MKLN1: variants seen among roughly 807,000 people sequenced by gnomAD.
MKLN1 encodes muskelin 1, also known as muskelin.
MKLN1 carries 18 observed loss-of-function variants against 99.0 expected under a neutral mutation model. The observed-to-expected ratio is 0.18, with a 90% CI of 0.13 to 0.27. The LOEUF (loss-of-function observed/expected upper bound fraction) is 0.27, where lower values mean the gene tolerates loss of function less well. MKLN1 is among the 10% of genes least tolerant of loss of function. The probability of loss-of-function intolerance (pLI) is 1.00; values close to 1 mark genes in which losing one functional copy is unlikely to be tolerated. For missense variants in MKLN1, 621 were observed against 875.9 expected (o/e 0.71, Z 3.67); for synonymous variants, 288 against 293.2 (o/e 0.98, Z 0.18).
intron 1 of MKLN1, among the ~76,000 whole-genome samples, chr7:131,356,583 CAT>C (rs1316277110): frequency 6.6e-6 from 1 of 152,114 alleles, no homozygotes; most frequent in Non-Finnish European, 1.5e-5. Flanking sequence ...GAGTTGGCTC[CAT>C]GAGTTGTTGA....
At chr7:131,410,810 G>T (rs1241244922) in intron 6 of MKLN1, among the ~76,000 whole-genome samples, 6 of 152,132 alleles carry the variant, frequency 3.9e-5, no homozygotes, top group Non-Finnish European at 8.8e-5. Context: ...GATAATGATA[G>T]AAATGATTTT....
intron 3 of MKLN1, among the ~76,000 whole-genome samples, chr7:131,244,925 A>T (rs1797463203): frequency 6.6e-6 from 1 of 151,916 alleles, no homozygotes; most frequent in South Asian, 2.1e-4. Context: ...ACACGGCGGC[A>T]CCCTTTCCTC....
intron 2 of MKLN1, among the ~76,000 whole-genome samples, chr7:131,151,748 A>T (rs1795891171): frequency 6.6e-6 from 1 of 152,198 alleles, no homozygotes; most frequent in Non-Finnish European, 1.5e-5. Flanking sequence ...AGTCACCCAT[A>T]ATTCTATCAC....
Position 131,495,898 on chromosome 7 carries a change from TGAG to T in MKLN1, c.*8177_*8179del, listed in dbSNP as rs1427505183. Reference sequence around the variant, plus strand: ...GGGCATATGGAGCATATTCATACCATGAGGAGGAGTCTTTGTTTATGATGGACT... The same window carrying T: ...GGGCATATGGAGCATATTCATACCATGAGGAGTCTTTGTTTATGATGGACT... On this transcript the variant is annotated 3_prime_UTR_variant, in exon 18 of 18. Coordinates refer to ENST00000352689, the MANE Select transcript of MKLN1 (RefSeq NM_013255.5). 9 of 152,270 alleles carry T rather than the reference TGAG, an allele frequency of 5.9e-5. No individual in the cohort carries two copies. Among genetic ancestry groups the T allele is most frequent in the East Asian group, 1.9e-4 (1 of 5,186 alleles). The allele number at this position is 152,270 out of a possible 1,614,324, so 9.4% of individuals were successfully genotyped here. A position where few individuals can be genotyped will look rare whatever the true frequency, so the allele number is the denominator to read the frequency against.
At chr7:131,199,339 C>A (rs553721374) in intron 2 of MKLN1, among the ~76,000 whole-genome samples, 1 of 151,260 alleles carries the variant, frequency 6.6e-6, no homozygotes, top group African/African-American at 2.4e-5. Context: ...CTCACTGTAA[C>A]CTCGAAATCC....
chr7:131,305,823 T>A (rs1361042618), intron 3 of MKLN1, among the ~76,000 whole-genome samples: 1 of 152,210 alleles, frequency 6.6e-6, no homozygotes, highest in African/African-American at 2.4e-5. Context: ...AGAGAGTGGA[T>A]AGCGACAAAC....
At chr7:131,436,213 C>T (rs1177510132) in intron 9 of MKLN1, among the ~76,000 whole-genome samples, 3 of 151,996 alleles carry the variant, frequency 2.0e-5, no homozygotes, top group African/African-American at 7.2e-5. Context: ...ACTGTTCTTC[C>T]TGCCTAATAT....
chr7:131,212,385 G>C (rs1565051), intron 3 of MKLN1, among the ~76,000 whole-genome samples: 43,895 of 151,894 alleles, frequency 0.29, 6,764 homozygotes, highest in South Asian at 0.45. Flanking sequence ...CCTGGGAGAG[G>C]GTGTTTACAT....
At chr7:131,298,133 C>T (rs1287654211) in intron 3 of MKLN1, among the ~76,000 whole-genome samples, 3 of 151,950 alleles carry the variant, frequency 2.0e-5, no homozygotes, top group Non-Finnish European at 1.5e-5. Context: ...TAGCCGGGCG[C>T]GGTGGCAGGC....
At chr7:131,365,640 C>A (rs1240177484) in intron 1 of MKLN1, among the ~76,000 whole-genome samples, 1 of 152,088 alleles carries the variant, frequency 6.6e-6, no homozygotes, top group Non-Finnish European at 1.5e-5. Flanking sequence ...GGAAGGGAGT[C>A]CAGCCTCGAT....
At chr7:131,470,996 C>A in intron 16 of MKLN1, 52 bp downstream of exon 16, 1 of 1,274,336 alleles carries the variant, frequency 7.8e-7, no homozygotes, top group Non-Finnish European at 1.1e-6. Flanking sequence ...TAAATGTCTT[C>A]CTAACTTATA....
Position 131,448,493 on chromosome 7 carries a change from A to T in MKLN1, c.1525+2590A>T, listed in dbSNP as rs148655722. Among the ~76,000 whole-genome samples, 897 of 152,330 alleles carry T rather than the reference A, an allele frequency of 5.9e-3. 8 individuals are homozygous for T. Among genetic ancestry groups the T allele is most frequent in the African/African-American group, 0.021 (868 of 41,574 alleles). On this transcript the variant is annotated intron_variant, in intron 12 of 17. Coordinates refer to ENST00000352689, the MANE Select transcript of MKLN1 (RefSeq NM_013255.5). ...CATTGTAGAGAATTTGAAAAATAAG[A>T]TGCAAAAAAGAAAATATGTCAAACT...
intron 2 of MKLN1, among the ~76,000 whole-genome samples, chr7:131,379,182 T>C (rs1204220286): frequency 1.3e-5 from 2 of 152,194 alleles, no homozygotes; most frequent in African/African-American, 4.8e-5. Flanking sequence ...CAGAAGCAAA[T>C]GCAGATCTTC....
At position 131,305,745 on chromosome 7, in the gene MKLN1, G is replaced by A. The variant is rs147852551; in HGVS notation, c.-178-69679G>A. On this transcript the variant is annotated intron_variant, in intron 3 of 7. Coordinates refer to the MKLN1 transcript ENST00000416992. Reference sequence around the variant, plus strand: ...GAATATTAGCTGTATGAAGTAGGGCGCTTGTATGGCCTGTCTGCTTACCCC... The same window carrying A: ...GAATATTAGCTGTATGAAGTAGGGCACTTGTATGGCCTGTCTGCTTACCCC... 1.5e-3 allele frequency among the ~76,000 whole-genome samples: 225 copies of A among 152,246 alleles called. 1 individual carries two copies. The highest frequency in any genetic ancestry group is 5.0e-3 in the African/African-American group (209 of 41,532).
chr7:131,117,006 A>G (rs555495930), intron 1 of MKLN1, among the ~76,000 whole-genome samples: 1 of 152,236 alleles, frequency 6.6e-6, no homozygotes, highest in South Asian at 2.1e-4. Context: ...ACTTTTATAT[A>G]TTTATCCAAT....
chr7:131,442,826 G>T (rs931226306), intron 10 of MKLN1, among the ~76,000 whole-genome samples: 13 of 152,144 alleles, frequency 8.5e-5, no homozygotes, highest in African/African-American at 2.9e-4. Context: ...TTATAATCTT[G>T]AGTTGAAAGA....
intron 1 of MKLN1, among the ~76,000 whole-genome samples, chr7:131,332,987 C>T (rs752896526): frequency 1.3e-5 from 2 of 151,822 alleles, no homozygotes; most frequent in African/African-American, 2.4e-5. Flanking sequence ...TTAGTGGCAC[C>T]ATCTTGGCTC....
rs1300316882 is a variant in MKLN1 at position 131,442,975 on chromosome 7, TTTTG to T, written c.1174-494_1174-491del. Among the ~76,000 whole-genome samples, 8 of 152,328 alleles carry T rather than the reference TTTTG, an allele frequency of 5.3e-5. No individual in the cohort carries two copies. The East Asian group carries it at 5.8e-4, about 11-fold the overall frequency. ...GGAGACTTGATTGTTGTAAATGTCC[TTTTG>T]TTTGTTTGTTTTACTGTTTTGTAAC... On this transcript the variant is annotated intron_variant, in intron 10 of 17. Transcript: ENST00000352689.
intron 1 of MKLN1, among the ~76,000 whole-genome samples, chr7:131,140,440 C>A (rs1331455580): frequency 6.6e-6 from 1 of 152,116 alleles, no homozygotes; most frequent in Admixed American, 6.5e-5. Flanking sequence ...GTGTTTGGAT[C>A]ATGGGGGTGG....
Sources: gnomAD v4.1 joint callset for allele counts (sites outside exome capture counted in the v4.1 genomes callset) on GRCh38, gnomAD v4.1.1 for gene constraint, MANE v1.5 for transcripts, NCBI Gene and HGNC (gene_info 2026-07-23, HGNC 2026-07-21) for gene names.